The following PLXNA4 variants were observed in gnomAD, a reference collection of about 807,000 sequenced individuals.
PLXNA4 encodes plexin-A4.
Under a neutral mutation model 191.8 loss-of-function variants are expected in PLXNA4, and 44 were observed. The observed-to-expected ratio is 0.23, with a 90% CI of 0.18 to 0.29. The LOEUF (loss-of-function observed/expected upper bound fraction) is 0.29. Ranked by LOEUF, PLXNA4 falls within the 10% of genes least tolerant of loss-of-function variation. The pLI is 1.00. For synonymous variants in PLXNA4, 1,082 were observed against 1,009.5 expected (o/e 1.07, Z -1.36); for missense variants, 1,800 against 2,488.8 (o/e 0.72, Z 5.89).
At chr7:132,541,326 G>T (rs1463668901) in intron 1 of PLXNA4, among the ~76,000 whole-genome samples, 2 of 152,194 alleles carry the variant, frequency 1.3e-5, no homozygotes, top group Non-Finnish European at 2.9e-5. Flanking sequence ...AAACCATTAA[G>T]CTGTCAAGCT....
chr7:132,365,584 C>T (rs527972914), intron 3 of PLXNA4, among the ~76,000 whole-genome samples: 2 of 151,904 alleles, frequency 1.3e-5, no homozygotes, highest in South Asian at 2.1e-4. Context: ...ATAGGAAAAC[C>T]GGAAAAGAAA....
intron 11 of PLXNA4, 22 bp from the exon 12 acceptor site, chr7:132,202,858 A>G: frequency 6.6e-7 from 1 of 1,526,528 alleles, no homozygotes; most frequent in Non-Finnish European, 8.8e-7. Context: ...AAGGGCAAGG[A>G]CAAGGGGTGC....
At chr7:132,249,200 A>C (rs1310707835) in intron 4 of PLXNA4, among the ~76,000 whole-genome samples, 4 of 152,202 alleles carry the variant, frequency 2.6e-5, no homozygotes, top group African/African-American at 7.2e-5. Context: ...CACTGGATTC[A>C]TTTTCAGATT....
In PLXNA4 at chr7:132,198,652, G is replaced by C. The variant is rs1797331545; in HGVS notation, c.2587-16C>G. On this transcript the variant is annotated splice_polypyrimidine_tract_variant and intron_variant, in intron 12 of 31. Coordinates refer to ENST00000321063, the MANE Select transcript of PLXNA4 (RefSeq NM_020911.2). ...CCGGGATTATCTGGAGGGAGGAAGA[G>C]AAATAATTAGACAAACACCAAGATA... 6.2e-7 allele frequency: 1 copy of C among 1,613,342 alleles called. No individual in the cohort carries two copies.
At chr7:132,485,159 A>T in intron 3 of PLXNA4, 1 of 1,216,746 alleles carries the variant, frequency 8.2e-7, no homozygotes. Flanking sequence ...TGCACCCAGT[A>T]CCTATTCAGA....
chr7:132,415,831 G>C (rs1794640787), intron 3 of PLXNA4, among the ~76,000 whole-genome samples: 1 of 152,140 alleles, frequency 6.6e-6, no homozygotes, highest in South Asian at 2.1e-4. Flanking sequence ...GCTAGTAAGT[G>C]GTCAAGGAGA....
In PLXNA4 at chr7:132,267,018, C is replaced by A. The variant is rs149897500; in HGVS notation, c.1504-25852G>T. ...TAGCAGCAGACCATATACAGAGGTT[C>A]CAGTTGAGACCTTCAGCTTTGTGAA... On this transcript the variant is annotated intron_variant, in intron 4 of 31. Transcript: ENST00000321063. Among the ~76,000 whole-genome samples the A allele has an allele frequency of 6.6e-4, 100 of 152,278 alleles. 1 individual carries two copies. Among genetic ancestry groups the A allele is most frequent in the African/African-American group, 2.2e-3 (92 of 41,562 alleles).
chr7:132,637,453 T>C (rs1420736115), intron 2 of PLXNA4, among the ~76,000 whole-genome samples: 2 of 152,166 alleles, frequency 1.3e-5, no homozygotes, highest in Non-Finnish European at 2.9e-5. Flanking sequence ...TTCCACACCC[T>C]GCACAGGTGG....
intron 3 of PLXNA4, among the ~76,000 whole-genome samples, chr7:132,388,662 A>G (rs565425908): frequency 1.3e-5 from 2 of 152,316 alleles, no homozygotes; most frequent in East Asian, 1.9e-4. Flanking sequence ...GTTTCACCCA[A>G]TTACTTCTCC....
At chr7:132,132,532 A>G (rs1020778983) in intron 31 of PLXNA4, among the ~76,000 whole-genome samples, 26 of 147,322 alleles carry the variant, frequency 1.8e-4, no homozygotes, top group Non-Finnish European at 3.5e-4. Flanking sequence ...ATTCTATTCT[A>G]TTCTATTCTA....
intron 2 of PLXNA4, among the ~76,000 whole-genome samples, chr7:132,637,605 T>A (rs1803633578): frequency 1.3e-5 from 2 of 152,244 alleles, no homozygotes; most frequent in Admixed American, 6.5e-5. Flanking sequence ...AAAGAAGCCA[T>A]GCTTGTCTTC....
chr7:132,569,459 A>T (rs1801878369), intron 1 of PLXNA4, among the ~76,000 whole-genome samples: 2 of 152,222 alleles, frequency 1.3e-5, no homozygotes, highest in Non-Finnish European at 2.9e-5. Flanking sequence ...CATAGTTTTG[A>T]CAAGAATAGT....
intron 14 of PLXNA4, among the ~76,000 whole-genome samples, 173 bp downstream of exon 14, chr7:132,193,889 A>G (rs1797169534): frequency 6.6e-6 from 1 of 152,212 alleles, no homozygotes; most frequent in Non-Finnish European, 1.5e-5. Context: ...GGTCTTCCAG[A>G]CTTCAAAGGC....
At chr7:132,142,195 T>G (rs1257383250) in intron 29 of PLXNA4, among the ~76,000 whole-genome samples, 1 of 152,206 alleles carries the variant, frequency 6.6e-6, no homozygotes, top group African/African-American at 2.4e-5. Flanking sequence ...CTGCCCCTTT[T>G]GGCTGTAGCC....
intron 10 of PLXNA4, among the ~76,000 whole-genome samples, chr7:132,204,356 C>A (rs1797542502): frequency 6.6e-6 from 1 of 152,176 alleles, no homozygotes; most frequent in African/African-American, 2.4e-5. Context: ...TAGAGCCCAC[C>A]CTGGGCAGCA....
chr7:132,587,393 G>C (rs1735973317), intron 2 of PLXNA4, among the ~76,000 whole-genome samples: 1 of 152,190 alleles, frequency 6.6e-6, no homozygotes, highest in South Asian at 2.1e-4. Context: ...CTTTCTAATA[G>C]AGTTCTCTAA....
At chr7:132,413,403 A>ACT (rs1424712379) in intron 3 of PLXNA4, among the ~76,000 whole-genome samples, 1 of 152,074 alleles carries the variant, frequency 6.6e-6, no homozygotes, top group Non-Finnish European at 1.5e-5. Flanking sequence ...AACCAGGACA[A>ACT]CTCTGACCCT....
At chr7:132,497,454 G>C (rs1798072077) in intron 2 of PLXNA4, among the ~76,000 whole-genome samples, 2 of 152,214 alleles carry the variant, frequency 1.3e-5, no homozygotes, top group African/African-American at 4.8e-5. Flanking sequence ...GGTAAGTGGA[G>C]AGTGTCCACA....
At chr7:132,269,520 G>A (rs541667666) in intron 4 of PLXNA4, among the ~76,000 whole-genome samples, 3 of 152,280 alleles carry the variant, frequency 2.0e-5, no homozygotes, top group Admixed American at 6.5e-5. Flanking sequence ...TCAGAACTGG[G>A]TAGTGTTTTG....
Sources: gnomAD v4.1 joint callset for allele counts (sites outside exome capture counted in the v4.1 genomes callset) on GRCh38, gnomAD v4.1.1 for gene constraint, MANE v1.5 for transcripts, NCBI Gene and HGNC (gene_info 2026-07-23, HGNC 2026-07-21) for gene names.